UBAC1: variants seen among roughly 807,000 people sequenced by gnomAD.
UBAC1 encodes the protein UBA domain containing 1.
Under a neutral mutation model 45.9 loss-of-function variants are expected in UBAC1, and 27 were observed. The ratio of observed to expected loss-of-function variants is 0.59; its 90% confidence interval spans 0.43 to 0.81. The LOEUF is 0.81. Ranked by LOEUF, UBAC1 falls within the 30% of genes least tolerant of loss-of-function variation. The pLI is 0.00. For synonymous variants in UBAC1, 227 were observed against 215.5 expected (o/e 1.05, Z -0.47); for missense variants, 529 against 539.2 (o/e 0.98, Z 0.19).
rs192800106 is a variant in UBAC1, at chr9:135,947,122, A to G, written c.441+676T>C. Among the ~76,000 whole-genome samples, 686 of 152,324 alleles carry G rather than the reference A, an allele frequency of 4.5e-3. 5 individuals are homozygous for G. The highest frequency in any genetic ancestry group is 0.016 in the African/African-American group (648 of 41,576). On this transcript the variant is annotated intron_variant, in intron 4 of 9. Transcript: ENST00000371756. ...CTGGCATCAGATGAAGTTGGAAGCC[A>G]GCCGTCCTCCCACCCCGGCACAGCA...
chr9:135,960,226 G>C (rs1248900012), intron 1 of UBAC1, among the ~76,000 whole-genome samples: 2 of 152,208 alleles, frequency 1.3e-5, no homozygotes, highest in Admixed American at 6.5e-5. Flanking sequence ...ACACAGACAG[G>C]CTTCTTAGCT....
intron 3 of UBAC1, among the ~76,000 whole-genome samples, chr9:135,948,234 G>T (rs1839362361): frequency 6.6e-6 from 1 of 152,244 alleles, no homozygotes. Flanking sequence ...CACCCAGGCT[G>T]CAGCTGAGCC....
At chr9:135,948,032 C>T (rs1211691894) in intron 3 of UBAC1, 127 bp from the exon 4 acceptor site, 1 of 832,548 alleles carries the variant, frequency 1.2e-6, no homozygotes, top group African/African-American at 1.7e-5. Flanking sequence ...GGTGTAAACT[C>T]CTTGATGAGC....
chr9:135,947,998 ACTC>A, intron 3 of UBAC1, 93 bp from the exon 4 acceptor site: 1 of 1,203,060 alleles, frequency 8.3e-7, no homozygotes, highest in South Asian at 1.4e-5. Flanking sequence ...CCCAAGAAAG[ACTC>A]CGTCTCCTTT....
Position 135,961,076 on chromosome 9 carries a change from C to A in UBAC1, c.87G>T (p.Glu29Asp). 1 of 1,584,048 alleles carries A rather than the reference C, an allele frequency of 6.3e-7. No individual in the cohort carries two copies. Residue 29 changes from glutamate (E) to aspartate (D), a missense_variant, in exon 1 of 10, where the codon GAG becomes GAT. By Grantham distance (45) the Glu-to-Asp change is conservative (BLOSUM62 2). Transcript: ENST00000371756. Reference sequence around the variant, plus strand: ...TCTCCACCGAGGTGTCCTCGGTGGCCTCCTCCAGCCACTCGGCGCCGTCGG... The same window carrying A: ...TCTCCACCGAGGTGTCCTCGGTGGCATCCTCCAGCCACTCGGCGCCGTCGG... ...CASDGAEWLEEATEDTSVEKL... is the reference protein window; with the variant it reads ...CASDGAEWLEDATEDTSVEKL...
chr9:135,948,051 C>T (rs367669989), intron 3 of UBAC1, 146 bp from the exon 4 acceptor site: 1 of 684,410 alleles, frequency 1.5e-6, no homozygotes, highest in Non-Finnish European at 2.4e-6. Context: ...GCTGGGGGAG[C>T]CTGGAGAGTT....
At chr9:135,937,157 G>C (rs1321342211) in intron 9 of UBAC1, among the ~76,000 whole-genome samples, 1 of 152,096 alleles carries the variant, frequency 6.6e-6, no homozygotes, top group Non-Finnish European at 1.5e-5. Context: ...CAACATCCAG[G>C]AACTCAGCTC....
chr9:135,950,900 C>G (rs1168342491), intron 3 of UBAC1, among the ~76,000 whole-genome samples: 2 of 152,176 alleles, frequency 1.3e-5, no homozygotes, highest in African/African-American at 4.8e-5. Flanking sequence ...CAAGACCAGC[C>G]TGGGCAACAC....
intron 7 of UBAC1, among the ~76,000 whole-genome samples, chr9:135,940,512 G>A (rs567875951): frequency 1.3e-5 from 2 of 151,406 alleles, no homozygotes; most frequent in Non-Finnish European, 2.9e-5. Flanking sequence ...CCTGGAAGGC[G>A]GAGCTTGCAG....
At chr9:135,945,420 C>A in intron 6 of UBAC1, 170 bp from the exon 7 acceptor site, 1 of 590,374 alleles carries the variant, frequency 1.7e-6, no homozygotes, top group Non-Finnish European at 2.9e-6. Flanking sequence ...AGCGCTGGTC[C>A]TTGCCTCAGA....
intron 3 of UBAC1, 198 bp from the exon 4 acceptor site, chr9:135,948,103 G>A: frequency 1.8e-6 from 1 of 548,164 alleles, no homozygotes; most frequent in Non-Finnish European, 3.2e-6. Flanking sequence ...CTCAGCGTCT[G>A]CTCTGACGTA....
intron 8 of UBAC1, among the ~76,000 whole-genome samples, chr9:135,939,142 CAGTG>C (rs1839236061): frequency 1.3e-5 from 2 of 150,982 alleles, no homozygotes; most frequent in African/African-American, 4.9e-5. Flanking sequence ...GTCGAGGCTG[CAGTG>C]AGTGTGATCA....
intron 3 of UBAC1, among the ~76,000 whole-genome samples, chr9:135,951,742 G>A (rs142439879): frequency 2.4e-4 from 36 of 152,208 alleles, no homozygotes; most frequent in Non-Finnish European, 5.0e-4. Flanking sequence ...CCTGGAAGGC[G>A]GAGGTTGCAG....
At chr9:135,949,237 G>T (rs536195850) in intron 3 of UBAC1, among the ~76,000 whole-genome samples, 5 of 152,276 alleles carry the variant, frequency 3.3e-5, no homozygotes, top group African/African-American at 1.2e-4. Context: ...CCAGATCAAA[G>T]AGGCTACAGA....
At chr9:135,934,896 T>C (rs1468245467) in intron 9 of UBAC1, among the ~76,000 whole-genome samples, 1 of 152,142 alleles carries the variant, frequency 6.6e-6, no homozygotes, top group Non-Finnish European at 1.5e-5. Context: ...TTAATTTTTT[T>C]TTGAGACAGC....
chr9:135,940,265 T>G (rs1210440534), intron 7 of UBAC1, among the ~76,000 whole-genome samples: 1 of 142,704 alleles, frequency 7.0e-6, no homozygotes, highest in East Asian at 2.1e-4. Context: ...AAGGTTTTAT[T>G]CAGATTTTAT....
chr9:135,945,737 G>A (rs1839323530), intron 6 of UBAC1, 152 bp downstream of exon 6: 1 of 620,978 alleles, frequency 1.6e-6, no homozygotes, highest in Admixed American at 2.9e-5. Flanking sequence ...AAACACTTTG[G>A]AGGCACATAT....
intron 1 of UBAC1, among the ~76,000 whole-genome samples, chr9:135,960,394 T>C (rs1839518921): frequency 6.6e-6 from 1 of 152,186 alleles, no homozygotes; most frequent in Non-Finnish European, 1.5e-5. Flanking sequence ...ATTTTACCTC[T>C]GCAGAAAAGC....
At chr9:135,939,135 G>A (rs555448046) in intron 8 of UBAC1, among the ~76,000 whole-genome samples, 3 of 151,762 alleles carry the variant, frequency 2.0e-5, no homozygotes, top group Admixed American at 6.6e-5. Flanking sequence ...CCAGGAGGTC[G>A]AGGCTGCAGT....
Sources: allele counts gnomAD v4.1 joint callset (sites outside exome capture counted in the v4.1 genomes callset), GRCh38; gene constraint gnomAD v4.1.1; transcripts MANE v1.5; gene names NCBI Gene and HGNC (gene_info 2026-07-23, HGNC 2026-07-21).